IL1RL2: variants seen among roughly 807,000 people sequenced by gnomAD.
IL1RL2 encodes the protein interleukin-1 receptor-like 2.
IL1RL2 carries 68 observed loss-of-function variants against 66.8 expected under a neutral mutation model. The ratio of observed to expected loss-of-function variants is 1.02; its 90% CI spans 0.84 to 1.25. IL1RL2 has a LOEUF of 1.25. Among genes scored for constraint, IL1RL2 ranks in the 50% most tolerant of loss-of-function variants. IL1RL2 has a pLI of 0.00. For missense variants in IL1RL2, 729 were observed against 709.3 expected (o/e 1.03, Z -0.32); for synonymous variants, 305 against 264.6 (o/e 1.15, Z -1.48).
intron 2 of IL1RL2, 91 bp downstream of exon 2, chr2:102,188,016 C>T (rs34547811): frequency 3.8e-5 from 50 of 1,314,826 alleles, no homozygotes; most frequent in African/African-American, 5.8e-5. Context: ...CGCGTCAGCC[C>T]GAGCGCGGCT....
At chr2:102,189,943 A>T (rs1687087532) in intron 3 of IL1RL2, among the ~76,000 whole-genome samples, 1 of 152,142 alleles carries the variant, frequency 6.6e-6, no homozygotes, top group South Asian at 2.1e-4. Flanking sequence ...TGAGCCACCT[A>T]GCCCGGCCGC....
At chr2:102,221,665 T>A (rs1690144410) in intron 8 of IL1RL2, among the ~76,000 whole-genome samples, 1 of 152,032 alleles carries the variant, frequency 6.6e-6, no homozygotes, top group South Asian at 2.1e-4. Context: ...ACTCCTGCCC[T>A]ACACTTTAAG....
At chr2:102,237,113 A>G (rs1355086968) in intron 11 of IL1RL2, among the ~76,000 whole-genome samples, 1 of 152,222 alleles carries the variant, frequency 6.6e-6, no homozygotes, top group Non-Finnish European at 1.5e-5. Flanking sequence ...CACACCCTTC[A>G]GAGAGGACAC....
At chr2:102,235,704 G>C in intron 11 of IL1RL2, 1 of 985,384 alleles carries the variant, frequency 1.0e-6, no homozygotes, top group African/African-American at 1.7e-5. Context: ...ACCAGGAGAG[G>C]GTTGGCAAGG....
chr2:102,199,825 G>C (rs944895038), intron 4 of IL1RL2, among the ~76,000 whole-genome samples: 4 of 152,188 alleles, frequency 2.6e-5, no homozygotes, highest in Non-Finnish European at 5.9e-5. Context: ...AGGGCAGCCT[G>C]TCCAGGGAAG....
intron 9 of IL1RL2, 52 bp from the exon 10 acceptor site, chr2:102,232,911 A>G: frequency 1.3e-6 from 2 of 1,577,704 alleles, no homozygotes; most frequent in South Asian, 1.1e-5. Context: ...GTTTATTAAC[A>G]TGAGAGAATT....
intron 5 of IL1RL2, among the ~76,000 whole-genome samples, chr2:102,205,669 T>G (rs1358119210): frequency 2.6e-5 from 4 of 152,346 alleles, no homozygotes; most frequent in African/African-American, 9.6e-5. Context: ...CCTTTCTTTA[T>G]CCTTGACCTT....
chr2:102,217,136 G>A (rs761956905), intron 6 of IL1RL2, among the ~76,000 whole-genome samples: 2 of 152,116 alleles, frequency 1.3e-5, no homozygotes, highest in Non-Finnish European at 2.9e-5. Flanking sequence ...GGGATTTCTT[G>A]TAAGGCTGGT....
chr2:102,187,815 A>T, intron 1 of IL1RL2, 41 bp from the exon 2 acceptor site: 7 of 1,542,924 alleles, frequency 4.5e-6, no homozygotes, highest in Non-Finnish European at 6.3e-6. Flanking sequence ...GGCCCGCCCT[A>T]CTGCGTCCTC....
At chr2:102,189,653 C>T (rs920259699) in intron 3 of IL1RL2, among the ~76,000 whole-genome samples, 3 of 151,864 alleles carry the variant, frequency 2.0e-5, no homozygotes, top group South Asian at 2.1e-4. Flanking sequence ...AGTCTCGCTC[C>T]GTCACCAGGC....
chr2:102,240,871 A>C (rs1208816158), downstream of IL1RL2, among the ~76,000 whole-genome samples: 1 of 152,398 alleles, frequency 6.6e-6, no homozygotes, highest in Admixed American at 6.5e-5. Flanking sequence ...CAAGAGGAAA[A>C]GAAAGCAGCT....
intron 8 of IL1RL2, among the ~76,000 whole-genome samples, chr2:102,221,366 G>A (rs188517434): frequency 2.0e-5 from 3 of 152,064 alleles, no homozygotes; most frequent in Non-Finnish European, 4.4e-5. Flanking sequence ...CATATATTGA[G>A]CTGTATACTG....
intron 4 of IL1RL2, among the ~76,000 whole-genome samples, 178 bp downstream of exon 4, chr2:102,192,298 T>G (rs940688296): frequency 1.3e-5 from 2 of 152,208 alleles, no homozygotes; most frequent in African/African-American, 4.8e-5. Context: ...TTTTAAACAT[T>G]TTTGGTTATT....
At chr2:102,238,372 C>A (rs868136722) in intron 11 of IL1RL2, among the ~76,000 whole-genome samples, 1 of 152,070 alleles carries the variant, frequency 6.6e-6, no homozygotes. Flanking sequence ...GGTCTTTCCC[C>A]GGAGGACCAA....
intron 8 of IL1RL2, among the ~76,000 whole-genome samples, chr2:102,222,848 A>G (rs963136283): frequency 6.6e-5 from 10 of 152,188 alleles, no homozygotes; most frequent in African/African-American, 2.2e-4. Flanking sequence ...GAAGCCTTGG[A>G]GAGTCCAGGA....
intron 6 of IL1RL2, among the ~76,000 whole-genome samples, chr2:102,216,698 T>C (rs374365815): frequency 9.9e-5 from 15 of 152,202 alleles, no homozygotes; most frequent in African/African-American, 3.4e-4. Context: ...TGGTTCTCTG[T>C]AGTCCTAAGC....
intron 7 of IL1RL2, 95 bp from the exon 8 acceptor site, chr2:102,219,786 T>C: frequency 8.1e-7 from 1 of 1,237,374 alleles, no homozygotes; most frequent in South Asian, 1.5e-5. Flanking sequence ...CCCAAAGTGT[T>C]CTCAAAGAAA....
chr2:102,223,934 G>C (rs1167019849), intron 8 of IL1RL2, among the ~76,000 whole-genome samples: 1 of 152,158 alleles, frequency 6.6e-6, no homozygotes, highest in Non-Finnish European at 1.5e-5. Context: ...ATTGGGCACC[G>C]GTGTGTGGTG....
chr2:102,187,195 G>A, intron 1 of IL1RL2, 109 bp downstream of exon 1: 2 of 1,231,558 alleles, frequency 1.6e-6, no homozygotes, highest in Admixed American at 4.9e-5. Context: ...CGCAGGCCAG[G>A]GATCAGGCCC....
Sources: allele counts gnomAD v4.1 joint callset (sites outside exome capture counted in the v4.1 genomes callset), GRCh38; gene constraint gnomAD v4.1.1; transcripts MANE v1.5; gene names NCBI Gene and HGNC (gene_info 2026-07-23, HGNC 2026-07-21).